HCN1: variants seen among roughly 807,000 people sequenced by gnomAD.
The protein encoded by HCN1 is potassium/sodium hyperpolarization-activated cyclic nucleotide-gated channel 1.
Under a neutral mutation model 78.9 loss-of-function variants are expected in HCN1, and 13 were observed. The ratio of observed to expected loss-of-function variants is 0.16; its 90% CI spans 0.11 to 0.26. The LOEUF (loss-of-function observed/expected upper bound fraction) is 0.26, where lower values mean the gene tolerates loss of function less well. Ranked by LOEUF, HCN1 falls within the 10% of genes least tolerant of loss-of-function variation. The pLI, the probability that HCN1 is intolerant of heterozygous loss-of-function variation, is 1.00. For missense variants in HCN1, 810 were observed against 1,154.3 expected (o/e 0.70, Z 4.32); for synonymous variants, 552 against 455.5 (o/e 1.21, Z -2.70).
At chr5:45,629,045 G>C (rs937020038) in intron 2 of HCN1, among the ~76,000 whole-genome samples, 2 of 149,574 alleles carry the variant, frequency 1.3e-5, no homozygotes, top group African/African-American at 4.9e-5. Context: ...AATTATTAAA[G>C]TACAGTGGCA....
intron 4 of HCN1, among the ~76,000 whole-genome samples, chr5:45,380,410 A>T (rs370506511): frequency 2.0e-5 from 3 of 152,098 alleles, no homozygotes; most frequent in African/African-American, 7.2e-5. Flanking sequence ...AAACAGTAGC[A>T]CCATTAGTCT....
chr5:45,381,270 C>T (rs375758849), intron 4 of HCN1, among the ~76,000 whole-genome samples: 12 of 152,126 alleles, frequency 7.9e-5, no homozygotes, highest in East Asian at 3.9e-4. Flanking sequence ...ACCTATCCTA[C>T]GATATAAGAT....
chr5:45,660,206 C>T (rs1024532635), intron 1 of HCN1, among the ~76,000 whole-genome samples: 5 of 120,390 alleles, frequency 4.2e-5, no homozygotes, highest in Non-Finnish European at 6.7e-5. Context: ...CCAAACTAAG[C>T]TTCATAAGTG....
At position 45,664,155 on chromosome 5, in the gene HCN1, G is replaced by GTA. The variant is rs1448120143; in HGVS notation, c.426-18549_426-18548dup. 5.2e-5 allele frequency among the ~76,000 whole-genome samples: 3 copies of GTA among 58,068 alleles called. No homozygotes were observed. The East Asian group carries it at 1.3e-3, about 25-fold the overall frequency. 38.1% of individuals were successfully genotyped at this position (58,068 alleles called of 152,430 possible). On this transcript the variant is annotated intron_variant, in intron 1 of 7. Transcript: ENST00000303230. ...AAAAAATGATGAGTTCATGTCCTTTGTAGGGACATGGATGAAATTGGAAAC... is the reference window on the plus strand; with the variant it reads ...AAAAAATGATGAGTTCATGTCCTTTGTATAGGGACATGGATGAAATTGGAAAC...
chr5:45,547,740 C>A (rs1464544824), intron 2 of HCN1, among the ~76,000 whole-genome samples: 1 of 151,772 alleles, frequency 6.6e-6, no homozygotes, highest in Non-Finnish European at 1.5e-5. Flanking sequence ...TATGTGTCAT[C>A]TGTGAATTTG....
chr5:45,500,521 G>C (rs1015090067), intron 2 of HCN1, among the ~76,000 whole-genome samples: 4 of 152,152 alleles, frequency 2.6e-5, no homozygotes, highest in African/African-American at 9.7e-5. Context: ...AGGACTTTTG[G>C]ATTAGAGGAA....
chr5:45,652,950 GT>G (rs1745704725), intron 1 of HCN1, among the ~76,000 whole-genome samples: 1 of 151,710 alleles, frequency 6.6e-6, no homozygotes, highest in African/African-American at 2.4e-5. Context: ...TCATTATTAT[GT>G]TTTCTAATTT....
At chr5:45,339,164 A>C (rs1182733435) in intron 5 of HCN1, among the ~76,000 whole-genome samples, 1 of 152,174 alleles carries the variant, frequency 6.6e-6, no homozygotes, top group Non-Finnish European at 1.5e-5. Context: ...CCTTTTACTC[A>C]GTAAATATTT....
chr5:45,595,980 C>G (rs572728597), intron 2 of HCN1, among the ~76,000 whole-genome samples: 1 of 152,042 alleles, frequency 6.6e-6, no homozygotes, highest in Non-Finnish European at 1.5e-5. Flanking sequence ...AACTCCTCCT[C>G]CTGGGTTCAC....
At chr5:45,273,598 C>T (rs1391341101) in intron 6 of HCN1, among the ~76,000 whole-genome samples, 1 of 152,114 alleles carries the variant, frequency 6.6e-6, no homozygotes, top group East Asian at 1.9e-4. Context: ...ATGTGCTTAA[C>T]CTGAGCTTCT....
At chr5:45,663,638 G>T (rs1745968707) in intron 1 of HCN1, among the ~76,000 whole-genome samples, 2 of 150,776 alleles carry the variant, frequency 1.3e-5, no homozygotes, top group South Asian at 2.1e-4. Flanking sequence ...CCATCAAAAA[G>T]TGGGTGAAGG....
intron 5 of HCN1, among the ~76,000 whole-genome samples, chr5:45,346,282 C>A (rs908928540): frequency 6.6e-6 from 1 of 152,154 alleles, no homozygotes. Context: ...AAGCTAAGAC[C>A]AAACCATAAT....
chr5:45,568,326 T>C (rs1308244105), intron 2 of HCN1, among the ~76,000 whole-genome samples: 2 of 152,042 alleles, frequency 1.3e-5, no homozygotes, highest in African/African-American at 4.8e-5. Context: ...TAATCTTCTT[T>C]AGATGATTCA....
chr5:45,346,641 A>T (rs1201306087), intron 5 of HCN1, among the ~76,000 whole-genome samples: 1 of 152,150 alleles, frequency 6.6e-6, no homozygotes, highest in Non-Finnish European at 1.5e-5. Context: ...GGCACCTGGA[A>T]AATCGGGTCA....
At chr5:45,621,953 G>C (rs1287673472) in intron 2 of HCN1, among the ~76,000 whole-genome samples, 1 of 152,146 alleles carries the variant, frequency 6.6e-6, no homozygotes, top group Non-Finnish European at 1.5e-5. Context: ...GACCAATAGT[G>C]TATCTTAAGA....
chr5:45,374,018 AT>A (rs1455875898), intron 4 of HCN1, among the ~76,000 whole-genome samples: 8 of 108,164 alleles, frequency 7.4e-5, no homozygotes, highest in Non-Finnish European at 1.2e-4. Context: ...CATAATATAT[AT>A]TATATATATT....
At chr5:45,405,520 G>GC (rs1190571634) in intron 3 of HCN1, among the ~76,000 whole-genome samples, 2 of 152,148 alleles carry the variant, frequency 1.3e-5, no homozygotes, top group Admixed American at 1.3e-4. Flanking sequence ...TGACCCTCCT[G>GC]CTTCAACCTC....
intron 2 of HCN1, among the ~76,000 whole-genome samples, chr5:45,557,240 C>G (rs1743488670): frequency 6.6e-6 from 1 of 151,746 alleles, no homozygotes; most frequent in Non-Finnish European, 1.5e-5. Context: ...CTTTCTTATT[C>G]TGTTTTCTTC....
At chr5:45,653,777 G>A (rs1745719486) in intron 1 of HCN1, among the ~76,000 whole-genome samples, 1 of 152,058 alleles carries the variant, frequency 6.6e-6, no homozygotes, top group Non-Finnish European at 1.5e-5. Context: ...TTGTGGGTGG[G>A]GGGAGAGGGG....
Sources: gnomAD v4.1 joint callset for allele counts (sites outside exome capture counted in the v4.1 genomes callset) on GRCh38, gnomAD v4.1.1 for gene constraint, MANE v1.5 for transcripts, NCBI Gene and HGNC (gene_info 2026-07-23, HGNC 2026-07-21) for gene names.